Variants in SCNN1B observed in about 807,000 individuals in gnomAD.
The protein encoded by SCNN1B is epithelial sodium channel subunit beta.
In SCNN1B, 46 loss-of-function variants were observed where a neutral mutation model predicts 65.3. The ratio of observed to expected loss-of-function variants is 0.70; its 90% CI spans 0.56 to 0.90. The LOEUF (loss-of-function observed/expected upper bound fraction) is 0.90, where lower values mean the gene tolerates loss of function less well. Ranked by LOEUF, SCNN1B falls within the 40% of genes least tolerant of loss-of-function variation. The probability of loss-of-function intolerance (pLI) is 0.00; values close to 1 mark genes in which losing one functional copy is unlikely to be tolerated. For missense variants in SCNN1B, 751 were observed against 830.5 expected (o/e 0.90, Z 1.18); for synonymous variants, 349 against 330.6 (o/e 1.06, Z -0.60).
At position 23,348,574 on chromosome 16, in the gene SCNN1B, C is replaced by T. The variant is rs762934526; in HGVS notation, c.-8-18C>T. 6 of 1,611,422 alleles carry T rather than the reference C, an allele frequency of 3.7e-6. No homozygotes were observed. Among genetic ancestry groups the T allele is most frequent in the South Asian group, 3.3e-5 (3 of 90,924 alleles). ...GGCTGGTGTCCCAGCTGATGTGCGTCCCCATGCCTCTCTGCAGGTGCCACT... is the reference window on the plus strand; with the variant it reads ...GGCTGGTGTCCCAGCTGATGTGCGTTCCCATGCCTCTCTGCAGGTGCCACT... On this transcript the variant is annotated intron_variant, in intron 1 of 12. Transcript: ENST00000343070. This position sits in a 1 kb window ranked among gnomAD's most constrained non-coding sequence, Gnocchi z 4.5.
At chr16:23,321,748 C>T (rs999526776) in intron 1 of SCNN1B, among the ~76,000 whole-genome samples, 3 of 152,274 alleles carry the variant, frequency 2.0e-5, no homozygotes, top group East Asian at 1.9e-4. Context: ...ATTGGACAGA[C>T]GCAGTGCCTA....
In SCNN1B at chr16:23,377,574, C is replaced by CCCTTCCTTCCTTCCTTCTCCCTT. The variant is rs149646061; in HGVS notation, c.1404+195_1404+196insTCCTTCCTTCTCCCTTCCTTCCT. Among the ~76,000 whole-genome samples, 45 of 125,144 alleles carry CCCTTCCTTCCTTCCTTCTCCCTT rather than the reference C, an allele frequency of 3.6e-4. 1 individual carries two copies. The highest frequency in any genetic ancestry group is 4.1e-3 in the Middle Eastern group (1 of 244). 82.1% of individuals were successfully genotyped at this position (125,144 alleles called of 152,430 possible). A position where few individuals can be genotyped will look rare whatever the true frequency, so the allele number is the denominator to read the frequency against. Reference sequence around the variant, plus strand: ...CCTTCCTTCCTTCCTCCTCTCTTTTCCCTTCCTCCCTCCCTTCTCCCTTCC... The same window carrying CCCTTCCTTCCTTCCTTCTCCCTT: ...CCTTCCTTCCTTCCTCCTCTCTTTTCCCTTCCTTCCTTCCTTCTCCCTTCCTTCCTCCCTCCCTTCTCCCTTCC... On this transcript the variant is annotated intron_variant, in intron 10 of 12. Transcript: ENST00000343070.
intron 2 of SCNN1B, among the ~76,000 whole-genome samples, chr16:23,295,665 A>G (rs1960986398): frequency 6.6e-6 from 1 of 152,150 alleles, no homozygotes; most frequent in Non-Finnish European, 1.5e-5. Context: ...GCCTTACTTC[A>G]TTCTTTTTTA....
At position 23,286,973 on chromosome 16, in the gene SCNN1B, T is replaced by A. The variant is rs575396653; in HGVS notation, n.178+3169T>A. ...TTTTTTGTTGTTGTTGTTGTTGATG[T>A]TGTTGTTGTTGCTGTTGTTGTTGTT... On this transcript the variant is annotated intron_variant and non_coding_transcript_variant, in intron 2 of 3. Coordinates refer to the SCNN1B transcript ENST00000569789. Among the ~76,000 whole-genome samples the A allele has an allele frequency of 3.9e-3, 585 of 150,882 alleles. 2 individuals are homozygous for A. The highest frequency in any genetic ancestry group is 0.014 in the African/African-American group (560 of 40,724).
intron 2 of SCNN1B, among the ~76,000 whole-genome samples, chr16:23,350,699 G>T (rs138368431): frequency 6.6e-6 from 1 of 151,978 alleles, no homozygotes; most frequent in Non-Finnish European, 1.5e-5. Flanking sequence ...GATTACTTGA[G>T]GTCAGGAGTT....
chr16:23,342,983 C>T (rs1175746202), intron 1 of SCNN1B, among the ~76,000 whole-genome samples: 1 of 152,158 alleles, frequency 6.6e-6, no homozygotes, highest in African/African-American at 2.4e-5. Context: ...GTGAATTCTA[C>T]ACTTTAAATG....
At chr16:23,343,803 T>C (rs1962131221) in intron 1 of SCNN1B, among the ~76,000 whole-genome samples, 1 of 152,236 alleles carries the variant, frequency 6.6e-6, no homozygotes, top group African/African-American at 2.4e-5. Context: ...GGTGTCTCTT[T>C]CTGTGTGCAC....
At chr16:23,375,650 TCACTTCTCTGGACAC>T (rs1404960824) in intron 7 of SCNN1B, 73 bp from the exon 8 acceptor site, 12 of 948,996 alleles carry the variant, frequency 1.3e-5, no homozygotes, top group Non-Finnish European at 2.1e-5. Context: ...AACTTGGGCA[TCACTTCTCTGGACAC>T]CCCTGGTGCT....
intron 1 of SCNN1B, among the ~76,000 whole-genome samples, chr16:23,323,236 G>A (rs1222346975): frequency 6.6e-6 from 1 of 151,882 alleles, no homozygotes; most frequent in African/African-American, 2.4e-5. Context: ...GAGGAGGGAG[G>A]ATGACCTCCA....
rs188052279 is a variant in SCNN1B, at chr16:23,348,879, G to C, written c.280G>C (p.Ala94Pro). ...SVGFKTMDFP[A>P]VTICNASPFK... ...AGGCTTCAAGACCATGGACTTCCCTGCCGTCACCATCTGCAATGCTAGCCC... is the reference window on the plus strand; with the variant it reads ...AGGCTTCAAGACCATGGACTTCCCTCCCGTCACCATCTGCAATGCTAGCCC... Residue 94 changes from alanine to proline, a missense_variant, in exon 2 of 13, where the codon GCC becomes CCC. Ala to Pro is a conservative substitution (Grantham distance 27). Transcript: ENST00000343070. This position sits in a 1 kb window ranked among gnomAD's most constrained non-coding sequence, Gnocchi z 4.5. 1 of 1,613,994 alleles carries C rather than the reference G, an allele frequency of 6.2e-7. No homozygotes were observed. Among genetic ancestry groups the C allele is most frequent in the South Asian group, 1.1e-5 (1 of 91,078 alleles).
intron 1 of SCNN1B, among the ~76,000 whole-genome samples, chr16:23,279,087 G>C (rs190291235): frequency 6.6e-6 from 1 of 151,794 alleles, no homozygotes; most frequent in South Asian, 2.1e-4. Flanking sequence ...GTGTGTGTGT[G>C]TGTGTGTGTG....
intron 1 of SCNN1B, among the ~76,000 whole-genome samples, chr16:23,335,286 C>A (rs1961912567): frequency 6.6e-6 from 1 of 152,170 alleles, no homozygotes; most frequent in African/African-American, 2.4e-5. Context: ...TTCTTGAGGG[C>A]AACTCATATT....
Position 23,352,902 on chromosome 16 carries a change from G to A in SCNN1B, c.413G>A (p.Arg138Lys), listed in dbSNP as rs769309216. The change falls in exon 3 of 13, where the codon AGG becomes AAG. Residue 138 changes from arginine to lysine, a missense_variant. Transcript: ENST00000343070. ...GAGCTAAGCCATGCCAATGCCACCA[G>A]GAACCTGAACTTCTCCATCTGGAAC... ...APELSHANAT[R>K]NLNFSIWNHT... 1 of 1,614,132 alleles carries A rather than the reference G, an allele frequency of 6.2e-7. No homozygotes were observed. The highest frequency in any genetic ancestry group is 2.2e-5 in the East Asian group (1 of 44,890).
chr16:23,378,322 T>C (rs930715374), intron 10 of SCNN1B, among the ~76,000 whole-genome samples: 2 of 152,276 alleles, frequency 1.3e-5, no homozygotes, highest in East Asian at 1.9e-4. Flanking sequence ...TGGGAAAGCA[T>C]GTTAGACCGA....
intron 1 of SCNN1B, among the ~76,000 whole-genome samples, chr16:23,325,426 C>T (rs978323307): frequency 7.9e-5 from 12 of 151,914 alleles, no homozygotes; most frequent in African/African-American, 2.4e-4. Context: ...ACCACCATGC[C>T]CAGCTAATTT....
chr16:23,340,132 AT>A (rs1211759456), intron 1 of SCNN1B, among the ~76,000 whole-genome samples: 3 of 152,036 alleles, frequency 2.0e-5, no homozygotes, highest in African/African-American at 7.2e-5. Context: ...TCATTGGCCC[AT>A]TTTTTGTTGA....
At chr16:23,336,376 T>C (rs1180295332) in intron 1 of SCNN1B, among the ~76,000 whole-genome samples, 5 of 151,294 alleles carry the variant, frequency 3.3e-5, no homozygotes, top group African/African-American at 9.7e-5. Context: ...AGACGATTTT[T>C]TTTTTTTTTT....
chr16:23,341,683 C>T (rs987777087), intron 1 of SCNN1B, among the ~76,000 whole-genome samples: 11 of 152,124 alleles, frequency 7.2e-5, no homozygotes, highest in Non-Finnish European at 2.9e-5. Flanking sequence ...GATATACTGG[C>T]CATATAATGG....
At chr16:23,357,841 G>A (rs1042914446) in intron 4 of SCNN1B, among the ~76,000 whole-genome samples, 3 of 152,150 alleles carry the variant, frequency 2.0e-5, no homozygotes, top group Non-Finnish European at 4.4e-5. Context: ...CCTTTGCTCA[G>A]GGCACACCCG....
Sources: allele counts gnomAD v4.1 joint callset (sites outside exome capture counted in the v4.1 genomes callset), GRCh38; gene constraint gnomAD v4.1.1; non-coding constraint Gnocchi (gnomAD v3.1); transcripts MANE v1.5; gene names NCBI Gene and HGNC (gene_info 2026-07-23, HGNC 2026-07-21).